The following GAB2 variants were observed in gnomAD, a reference collection of about 807,000 sequenced individuals.
The protein encoded by GAB2 is GRB2 associated binding protein 2, also known as GRB2-associated-binding protein 2.
In GAB2, 26 loss-of-function variants were observed where a neutral mutation model predicts 65.5. The observed-to-expected ratio is 0.40, with a 90% CI of 0.29 to 0.55. GAB2 has a LOEUF of 0.55. GAB2 is among the 20% of genes least tolerant of loss of function. The pLI is 0.53. For missense variants in GAB2, 884 were observed against 875.8 expected (o/e 1.01, Z -0.12); for synonymous variants, 321 against 329.6 (o/e 0.97, Z 0.28).
At chr11:78,342,620 G>A (rs1205619551) in intron 1 of GAB2, among the ~76,000 whole-genome samples, 6 of 152,216 alleles carry the variant, frequency 3.9e-5, no homozygotes, top group Admixed American at 3.9e-4. Context: ...ATGTTAGCCA[G>A]GATGGTCTCC....
At chr11:78,291,548 CTTTTTTCTTTTTCTTTTTTT>C (rs1478218799) in intron 1 of GAB2, among the ~76,000 whole-genome samples, 1 of 66,288 alleles carries the variant, frequency 1.5e-5, no homozygotes, top group Non-Finnish European at 2.9e-5. Flanking sequence ...GAGAGACTTA[CTTTTTTCTTTTTCTTTTTTT>C]TTTTTTTTTT....
intron 1 of GAB2, among the ~76,000 whole-genome samples, chr11:78,360,328 G>A (rs1168895996): frequency 6.6e-6 from 1 of 151,662 alleles, no homozygotes; most frequent in Non-Finnish European, 1.5e-5. Flanking sequence ...TAGCATTTTG[G>A]GAGGCCAAAG....
intron 2 of GAB2, chr11:78,280,336 G>T: frequency 6.2e-6 from 3 of 481,282 alleles, no homozygotes; most frequent in Non-Finnish European, 1.1e-5. Context: ...GATGAGGAAC[G>T]GCAGTGGTGT....
chr11:78,221,764 G>A lies in GAB2; in HGVS notation c.1674C>T (p.Ser558=). The A allele has an allele frequency of 6.2e-7, 1 of 1,612,904 alleles. No homozygotes were observed. The change falls in exon 8 of 10, where the codon TCC becomes TCT. Residue 558 remains serine, a synonymous_variant. Transcript: ENST00000361507. ...SWSRANHTFN[S]SSSQYCRPIS... is the part of the protein sequence containing the mutation. ...TGGGGCGGCAGTACTGGGAGGAGCT[G>A]GAGTTGAAGGTGTGGCTGTTGTGGG...
At chr11:78,378,386 C>T in intron 1 of GAB2, among the ~76,000 whole-genome samples, 1 of 152,242 alleles carries the variant, frequency 6.6e-6, no homozygotes, top group East Asian at 1.9e-4. Context: ...ATTATCATAC[C>T]ATTACATTTC....
intron 2 of GAB2, among the ~76,000 whole-genome samples, chr11:78,257,317 C>T (rs1164006741): frequency 1.3e-5 from 2 of 152,128 alleles, no homozygotes; most frequent in African/African-American, 4.8e-5. Context: ...TATCCCTTCT[C>T]CCCCAAAAAT....
rs1555000328 is a variant in GAB2 at position 78,401,505 on chromosome 11, C to CCTGTGTGTGTGTGTGTGT, written c.75+16140_75+16141insACACACACACACACACAG. Among the ~76,000 whole-genome samples, 43 of 125,008 alleles carry CCTGTGTGTGTGTGTGTGT rather than the reference C, an allele frequency of 3.4e-4. 1 individual carries two copies. The highest frequency in any genetic ancestry group is 1.2e-3 in the African/African-American group (42 of 33,844). 82.0% of individuals were successfully genotyped at this position (125,008 alleles called of 152,430 possible). On this transcript the variant is annotated intron_variant, in intron 1 of 9. Transcript: ENST00000361507. ...TTCCCTTTTAAGGCTGAACAGTATT[C>CCTGTGTGTGTGTGTGTGT]GTGTGTGTGTGTGTGTGTGTGTGTG... is the stretch of plus-strand genomic sequence containing the variant.
chr11:78,219,644 C>T (rs1000840413), intron 9 of GAB2, among the ~76,000 whole-genome samples: 1 of 152,202 alleles, frequency 6.6e-6, no homozygotes, highest in East Asian at 1.9e-4. Context: ...CCTGCCAGCC[C>T]TTCTTACTTC....
chr11:78,316,484 A>C (rs1565156659), intron 1 of GAB2, among the ~76,000 whole-genome samples: 1 of 152,206 alleles, frequency 6.6e-6, no homozygotes, highest in Non-Finnish European at 1.5e-5. Flanking sequence ...TTGACAAAGG[A>C]CTTGAATAGA....
intron 3 of GAB2, among the ~76,000 whole-genome samples, chr11:78,232,353 C>T (rs1864870854): frequency 6.6e-6 from 1 of 152,206 alleles, no homozygotes; most frequent in Admixed American, 6.5e-5. Flanking sequence ...ATCAATGTAT[C>T]ATCTGTTACA....
intron 1 of GAB2, among the ~76,000 whole-genome samples, chr11:78,391,831 G>A (rs942292148): frequency 3.3e-5 from 5 of 152,158 alleles, no homozygotes; most frequent in Non-Finnish European, 7.3e-5. Context: ...AAAATAAAAT[G>A]GTTACCTTAT....
chr11:78,242,493 C>T (rs1045109285), intron 3 of GAB2, among the ~76,000 whole-genome samples: 8 of 149,746 alleles, frequency 5.3e-5, no homozygotes, highest in African/African-American at 2.0e-4. Context: ...CAGAGCGAGA[C>T]TCCGTCTCAA....
rs141496116 is a variant in GAB2 at position 78,278,060 on chromosome 11, T to C, written c.376+2541A>G. Among the ~76,000 whole-genome samples the C allele has an allele frequency of 4.6e-5, 7 of 151,828 alleles. 1 individual carries two copies. The highest frequency in any genetic ancestry group is 1.2e-4 in the African/African-American group (5 of 41,356). ...GACTGGTGTGTTTGTGAAGTTTTTCTTCCCCTGCTTTTTTTTTTTTTTTTT... is the reference window on the plus strand; with the variant it reads ...GACTGGTGTGTTTGTGAAGTTTTTCCTCCCCTGCTTTTTTTTTTTTTTTTT... On this transcript the variant is annotated intron_variant, in intron 2 of 9. Transcript: ENST00000361507.
chr11:78,294,520 A>G (rs1394700977), intron 1 of GAB2, among the ~76,000 whole-genome samples: 1 of 152,196 alleles, frequency 6.6e-6, no homozygotes, highest in East Asian at 1.9e-4. Flanking sequence ...GAACTAGTTT[A>G]CAGTCCCACC....
intron 1 of GAB2, among the ~76,000 whole-genome samples, chr11:78,385,271 C>A (rs543419908): frequency 2.0e-5 from 3 of 152,134 alleles, no homozygotes; most frequent in Non-Finnish European, 2.9e-5. Context: ...TGGATCTTCA[C>A]GGGAAAGGCC....
chr11:78,352,735 G>A (rs961104826), intron 1 of GAB2, among the ~76,000 whole-genome samples: 1 of 152,148 alleles, frequency 6.6e-6, no homozygotes, highest in Non-Finnish European at 1.5e-5. Flanking sequence ...AAAAACATAA[G>A]GGGTTTTCTG....
At chr11:78,336,079 G>T (rs930954020) in intron 1 of GAB2, among the ~76,000 whole-genome samples, 1 of 151,820 alleles carries the variant, frequency 6.6e-6, no homozygotes, top group Non-Finnish European at 1.5e-5. Context: ...TTTGGGAGGC[G>T]GAGGGAGGCG....
chr11:78,220,572 G>T (rs1375820081), intron 8 of GAB2, 128 bp from the exon 9 acceptor site: 1 of 681,784 alleles, frequency 1.5e-6, no homozygotes, highest in Non-Finnish European at 2.3e-6. Context: ...CCATGCTAAG[G>T]ACTTTTCATG....
chr11:78,300,532 C>CAAAAAAAAAAA (rs1255395653), intron 1 of GAB2, among the ~76,000 whole-genome samples: 1 of 126,368 alleles, frequency 7.9e-6, no homozygotes, highest in African/African-American at 2.6e-5. Flanking sequence ...AACAAAAAAA[C>CAAAAAAAAAAA]AAAAAACTAC....
Sources: allele counts gnomAD v4.1 joint callset (sites outside exome capture counted in the v4.1 genomes callset), GRCh38; gene constraint gnomAD v4.1.1; transcripts MANE v1.5; gene names NCBI Gene and HGNC (gene_info 2026-07-23, HGNC 2026-07-21).